NHEJ1: variants seen among roughly 807,000 people sequenced by gnomAD.
NHEJ1 encodes the protein non-homologous end-joining factor 1.
Under a neutral mutation model 39.4 loss-of-function variants are expected in NHEJ1, and 22 were observed. The ratio of observed to expected loss-of-function variants is 0.56; its 90% CI spans 0.40 to 0.80. The LOEUF (loss-of-function observed/expected upper bound fraction) is 0.80. NHEJ1 is among the 30% of genes least tolerant of loss of function. The pLI, the probability that NHEJ1 is intolerant of heterozygous loss-of-function variation, is 0.00. For missense variants in NHEJ1, 329 were observed against 357.1 expected, an observed-to-expected ratio of 0.92 and a Z score of 0.63; for synonymous variants, 154 against 135.6, an observed-to-expected ratio of 1.14 and a Z score of -0.94.
chr2:219,096,246 A>T (rs186460628), intron 5 of NHEJ1, among the ~76,000 whole-genome samples: 3 of 152,350 alleles, frequency 2.0e-5, no homozygotes, highest in Admixed American at 2.0e-4. Flanking sequence ...ACACAGGAGA[A>T]AAAGAGTTGG....
chr2:219,150,402 T>A (rs896393052), intron 3 of NHEJ1, among the ~76,000 whole-genome samples: 1 of 152,220 alleles, frequency 6.6e-6, no homozygotes, highest in Admixed American at 6.5e-5. Flanking sequence ...TGACTCCCAA[T>A]TGAGGTCCTT....
intron 5 of NHEJ1, among the ~76,000 whole-genome samples, chr2:219,137,595 A>AAAAAAAC (rs60268528): frequency 0.068 from 5,506 of 80,894 alleles, 365 homozygotes; most frequent in Non-Finnish European, 0.12. Flanking sequence ...AAAAAAAACA[A>AAAAAAAC]AAAAAACTGA....
At chr2:219,151,139 A>G (rs1949791709) in intron 3 of NHEJ1, among the ~76,000 whole-genome samples, 1 of 151,678 alleles carries the variant, frequency 6.6e-6, no homozygotes, top group Non-Finnish European at 1.5e-5. Context: ...AAAAAAAAAA[A>G]AAAAAAAAAA....
intron 5 of NHEJ1, among the ~76,000 whole-genome samples, chr2:219,087,024 A>G (rs1427223389): frequency 6.6e-6 from 1 of 151,616 alleles, no homozygotes; most frequent in Non-Finnish European, 1.5e-5. Context: ...CCTGGGGGGG[A>G]CGGATCCTCA....
At chr2:219,137,595 A>AAC (rs1553547569) in intron 5 of NHEJ1, among the ~76,000 whole-genome samples, 9 of 82,768 alleles carry the variant, frequency 1.1e-4, no homozygotes, top group Non-Finnish European at 2.1e-4. Context: ...AAAAAAAACA[A>AAC]AAAAAACTGA....
chr2:219,119,141 C>T (rs2106343987), intron 5 of NHEJ1, among the ~76,000 whole-genome samples: 1 of 152,294 alleles, frequency 6.6e-6, no homozygotes, highest in East Asian at 1.9e-4. Context: ...TAACCCCACT[C>T]CCAGTCTCCC....
At chr2:219,151,664 A>C (rs572832241) in intron 3 of NHEJ1, among the ~76,000 whole-genome samples, 1 of 152,306 alleles carries the variant, frequency 6.6e-6, no homozygotes, top group East Asian at 1.9e-4. Context: ...AAATTTTGAA[A>C]ATATGTGTTA....
chr2:219,154,889 CATTAT>C (rs1325513296), intron 3 of NHEJ1, among the ~76,000 whole-genome samples: 5 of 146,044 alleles, frequency 3.4e-5, no homozygotes, highest in South Asian at 2.1e-4. Context: ...ATATATAATA[CATTAT>C]ATTATACCAT....
At chr2:219,126,358 C>T (rs1163487912) in intron 5 of NHEJ1, among the ~76,000 whole-genome samples, 2 of 152,244 alleles carry the variant, frequency 1.3e-5, no homozygotes, top group African/African-American at 2.4e-5. Context: ...GCCAACCCAT[C>T]GTACCTCCTC....
intron 5 of NHEJ1, among the ~76,000 whole-genome samples, chr2:219,138,294 A>G (rs1367383905): frequency 6.6e-6 from 1 of 152,200 alleles, no homozygotes; most frequent in Non-Finnish European, 1.5e-5. Context: ...GGATTTCTCA[A>G]TAATAAAAGA....
intron 5 of NHEJ1, among the ~76,000 whole-genome samples, chr2:219,126,711 A>G (rs1949526894): frequency 6.6e-6 from 1 of 152,216 alleles, no homozygotes; most frequent in Non-Finnish European, 1.5e-5. Flanking sequence ...GATATGGCCT[A>G]CGATAGAGCA....
At chr2:219,121,834 T>A (rs552971009) in intron 5 of NHEJ1, among the ~76,000 whole-genome samples, 3 of 151,770 alleles carry the variant, frequency 2.0e-5, no homozygotes, top group South Asian at 2.1e-4. Context: ...AAAAAAAAAA[T>A]TAAATTAATG....
At position 219,073,108 on chromosome 2, in the gene NHEJ1, A is replaced by C. The variant is rs915682096; in HGVS notation, c.*3273T>G. On this transcript the variant is annotated 3_prime_UTR_variant, in exon 8 of 8. Coordinates refer to ENST00000356853, the MANE Select transcript of NHEJ1 (RefSeq NM_024782.3). Reference sequence around the variant, plus strand: ...GGGCTGAGTATCAAGAGATGTGAGCATCTCTCCTTCCCCCAGTGCTCACTG... The same window carrying C: ...GGGCTGAGTATCAAGAGATGTGAGCCTCTCTCCTTCCCCCAGTGCTCACTG... Among the ~76,000 whole-genome samples the C allele has an allele frequency of 9.2e-5, 14 of 152,142 alleles. No homozygotes were observed. The highest frequency in any genetic ancestry group is 3.4e-4 in the African/African-American group (14 of 41,440).
intron 3 of NHEJ1, among the ~76,000 whole-genome samples, chr2:219,154,718 G>A (rs924398533): frequency 1.3e-5 from 2 of 151,728 alleles, no homozygotes; most frequent in Admixed American, 1.3e-4. Flanking sequence ...TTCATGAATT[G>A]CTCAAATCTA....
At chr2:219,160,389 A>C (rs1271544586) in intron 1 of NHEJ1, 1 of 152,392 alleles carries the variant, frequency 6.6e-6, no homozygotes, top group Non-Finnish European at 1.5e-5. Context: ...CCCAGCTATA[A>C]CAGCCTTCGC....
Position 219,077,225 on chromosome 2 carries a change from AG to A in NHEJ1, c.825+20del, listed in dbSNP as rs763542065. On this transcript the variant is annotated intron_variant, in intron 7 of 7. Coordinates refer to ENST00000356853, the MANE Select transcript of NHEJ1 (RefSeq NM_024782.3). Reference sequence around the variant, plus strand: ...GGTGCCAACTCTCAGAACACCATCCAGGAAGCTGCTCATGACTCACCGTGGA... The same window carrying A: ...GGTGCCAACTCTCAGAACACCATCCAGAAGCTGCTCATGACTCACCGTGGA... 6.4e-6 allele frequency: 10 copies of A among 1,574,760 alleles called. No homozygotes were observed. The highest frequency in any genetic ancestry group is 8.7e-6 in the Non-Finnish European group (10 of 1,144,412).
intron 5 of NHEJ1, among the ~76,000 whole-genome samples, chr2:219,123,841 T>A (rs1478195785): frequency 5.3e-5 from 8 of 152,112 alleles, no homozygotes; most frequent in Non-Finnish European, 1.5e-5. Flanking sequence ...AGGCCACACC[T>A]AGGAAGAGGG....
At position 219,073,253 on chromosome 2, in the gene NHEJ1, T is replaced by C. The variant is rs1028581558; in HGVS notation, c.*3128A>G. Among the ~76,000 whole-genome samples, 1 of 152,192 alleles carries C rather than the reference T, an allele frequency of 6.6e-6. No individual in the cohort carries two copies. The highest frequency in any genetic ancestry group is 2.4e-5 in the African/African-American group (1 of 41,452). Reference sequence around the variant, plus strand: ...CCACCTTACACCATAGGAATTCGCTTCTCAGGAATCAGGGAAAGATGGAGA... The same window carrying C: ...CCACCTTACACCATAGGAATTCGCTCCTCAGGAATCAGGGAAAGATGGAGA... On this transcript the variant is annotated 3_prime_UTR_variant, in exon 8 of 8. Transcript: ENST00000356853.
chr2:219,115,997 G>A (rs1384083083), intron 5 of NHEJ1, among the ~76,000 whole-genome samples: 1 of 150,224 alleles, frequency 6.7e-6, no homozygotes, highest in Admixed American at 6.6e-5. Context: ...GTGTGTGCCT[G>A]TAGTCCCAGC....
Sources: allele counts gnomAD v4.1 joint callset (sites outside exome capture counted in the v4.1 genomes callset), GRCh38; gene constraint gnomAD v4.1.1; transcripts MANE v1.5; gene names NCBI Gene and HGNC (gene_info 2026-07-23, HGNC 2026-07-21).